The following HNF4G variants were observed in gnomAD, a reference collection of about 807,000 sequenced individuals.
HNF4G encodes hepatocyte nuclear factor 4 gamma, also known as hepatocyte nuclear factor 4-gamma.
In HNF4G, 21 loss-of-function variants were observed where a neutral mutation model predicts 50.9. The observed-to-expected ratio is 0.41, with a 90% confidence interval of 0.29 to 0.59. HNF4G has a LOEUF of 0.59. Among genes scored for constraint, HNF4G ranks in the 20% least tolerant of loss-of-function variants. HNF4G has a pLI of 0.26. For synonymous variants in HNF4G, 198 were observed against 185.6 expected (o/e 1.07, Z -0.54); for missense variants, 527 against 559.4 (o/e 0.94, Z 0.58).
chr8:75,531,962 TA>T (rs1350351902), intron 2 of HNF4G, among the ~76,000 whole-genome samples: 2 of 152,070 alleles, frequency 1.3e-5, no homozygotes, highest in East Asian at 3.8e-4. Flanking sequence ...TAAACACAAC[TA>T]TTCTGTTTTT....
chr8:75,501,319 A>G lies in HNF4G; in HGVS notation c.-24+11111A>G, dbSNP rs547826390. Among the ~76,000 whole-genome samples, 7 of 152,150 alleles carry G rather than the reference A, an allele frequency of 4.6e-5. No homozygotes were observed. The South Asian group carries it at 1.0e-3, about 23-fold the overall frequency. ...AAAATAATCCAGGCATGGTATGCAC[A>G]CCTGTAGTCCCACCTACTTGGGAGG... is the stretch of plus-strand genomic sequence containing the variant. On this transcript the variant is annotated intron_variant, in intron 2 of 10. Coordinates refer to the HNF4G transcript ENST00000354370.
chr8:75,419,213 G>A (rs1414744462), intron 1 of HNF4G, among the ~76,000 whole-genome samples: 1 of 152,172 alleles, frequency 6.6e-6, no homozygotes, highest in East Asian at 1.9e-4. Context: ...GCCAAAGTAA[G>A]CTGAACTCCA....
intron 2 of HNF4G, among the ~76,000 whole-genome samples, chr8:75,495,922 C>T (rs1244943664): frequency 1.3e-5 from 2 of 152,076 alleles, no homozygotes; most frequent in Non-Finnish European, 2.9e-5. Flanking sequence ...ATCAATATTT[C>T]TATATTATTT....
chr8:75,484,744 A>G (rs1314100780), intron 1 of HNF4G, among the ~76,000 whole-genome samples: 2 of 152,254 alleles, frequency 1.3e-5, no homozygotes, highest in African/African-American at 2.4e-5. Context: ...TGCCCCAGTG[A>G]CTGGGACATA....
At chr8:75,511,226 A>G (rs1805743246) in intron 2 of HNF4G, among the ~76,000 whole-genome samples, 1 of 152,188 alleles carries the variant, frequency 6.6e-6, no homozygotes, top group Non-Finnish European at 1.5e-5. Context: ...GGATTATATA[A>G]TTAATCATTT....
intron 2 of HNF4G, among the ~76,000 whole-genome samples, chr8:75,494,893 G>C (rs956648891): frequency 1.3e-5 from 2 of 151,970 alleles, no homozygotes; most frequent in African/African-American, 4.8e-5. Context: ...TATTTAAATT[G>C]ACTTTGAATT....
chr8:75,506,011 G>C (rs1032332020), intron 2 of HNF4G, among the ~76,000 whole-genome samples: 1 of 151,476 alleles, frequency 6.6e-6, no homozygotes, highest in Non-Finnish European at 1.5e-5. Flanking sequence ...TAGTATAGAG[G>C]GTTATTTTTC....
chr8:75,542,652 G>T (rs1806661836), intron 1 of HNF4G, among the ~76,000 whole-genome samples: 1 of 152,040 alleles, frequency 6.6e-6, no homozygotes. Flanking sequence ...GACATGCAGG[G>T]TTTACAGGCT....
At chr8:75,523,874 T>C (rs1196157607) in intron 2 of HNF4G, among the ~76,000 whole-genome samples, 1 of 151,978 alleles carries the variant, frequency 6.6e-6, no homozygotes, top group Non-Finnish European at 1.5e-5. Context: ...TTGTCTTATC[T>C]TTATCAAATA....
intron 1 of HNF4G, among the ~76,000 whole-genome samples, chr8:75,452,188 A>G (rs1453961872): frequency 2.0e-5 from 3 of 152,156 alleles, no homozygotes; most frequent in African/African-American, 7.2e-5. Context: ...TTACAATTTT[A>G]TAATAAATAA....
intron 1 of HNF4G, among the ~76,000 whole-genome samples, chr8:75,409,614 G>T (rs2125919): frequency 6.0e-5 from 9 of 149,342 alleles, no homozygotes; most frequent in Non-Finnish European, 1.5e-5. Flanking sequence ...TCAGCCTCCA[G>T]AGTAGCTGGG....
At chr8:75,559,861 C>T (rs533469541) in intron 8 of HNF4G, among the ~76,000 whole-genome samples, 4 of 152,156 alleles carry the variant, frequency 2.6e-5, no homozygotes, top group African/African-American at 9.6e-5. Context: ...TTCATTGTTG[C>T]AATACATGTC....
intron 1 of HNF4G, among the ~76,000 whole-genome samples, chr8:75,418,708 G>GTC (rs1022832599): frequency 1.0e-4 from 15 of 147,056 alleles, no homozygotes; most frequent in South Asian, 2.2e-4. Context: ...CTAGTGATAA[G>GTC]TCTCTCTCTC....
At chr8:75,549,373 A>G (rs1806878417) in intron 3 of HNF4G, among the ~76,000 whole-genome samples, 1 of 152,172 alleles carries the variant, frequency 6.6e-6, no homozygotes, top group Non-Finnish European at 1.5e-5. Flanking sequence ...AGTGAAATTC[A>G]TAAACGCTTA....
At position 75,564,129 on chromosome 8, in the gene HNF4G, A is replaced by G; in HGVS notation, c.*33A>G. On this transcript the variant is annotated 3_prime_UTR_variant, in exon 10 of 10. Coordinates refer to ENST00000396423, the MANE Select transcript of HNF4G (RefSeq NM_004133.5). ...TTTACTTCAGAACGGCACTACATAA[A>G]TGTGAAAAGTTGTTGATCTTGAAAT... 1 of 1,607,902 alleles carries G rather than the reference A, an allele frequency of 6.2e-7. No individual in the cohort carries two copies. The highest frequency in any genetic ancestry group is 8.5e-7 in the Non-Finnish European group (1 of 1,176,458).
intron 2 of HNF4G, among the ~76,000 whole-genome samples, chr8:75,506,975 T>G (rs1458592984): frequency 6.6e-6 from 1 of 152,170 alleles, no homozygotes; most frequent in Non-Finnish European, 1.5e-5. Flanking sequence ...CATTGCAATT[T>G]TATTTGGGCC....
intron 2 of HNF4G, among the ~76,000 whole-genome samples, chr8:75,522,681 G>A (rs532553263): frequency 1.6e-4 from 24 of 152,196 alleles, no homozygotes; most frequent in African/African-American, 5.5e-4. Context: ...AGCCAAAAAT[G>A]TCTCTAGATA....
intron 1 of HNF4G, among the ~76,000 whole-genome samples, chr8:75,462,921 T>C (rs1811887585): frequency 6.6e-6 from 1 of 152,164 alleles, no homozygotes; most frequent in Non-Finnish European, 1.5e-5. Flanking sequence ...ATAAGTAATG[T>C]CTAATAATAA....
In HNF4G at chr8:75,540,054, CTA is replaced by C. The variant is rs773724589; in HGVS notation, c.94_95del (p.Met32AlafsTer5). Reference sequence around the variant, plus strand: ...ACTTACACAACTTTGGAGTTTGAAACTATGCAGATTCTATATAATTCAAGTGG... The same window carrying C: ...ACTTACACAACTTTGGAGTTTGAAACTGCAGATTCTATATAATTCAAGTGG... On this transcript the variant is annotated frameshift_variant, in exon 1 of 10. Coordinates refer to ENST00000396423, the MANE Select transcript of HNF4G (RefSeq NM_004133.5). LOFTEE classifies it high-confidence loss of function. 15 of 1,595,218 alleles carry C rather than the reference CTA, an allele frequency of 9.4e-6. No individual in the cohort carries two copies. The highest frequency in any genetic ancestry group is 1.3e-5 in the Non-Finnish European group (15 of 1,163,254).
Sources: allele counts gnomAD v4.1 joint callset (sites outside exome capture counted in the v4.1 genomes callset), GRCh38; gene constraint gnomAD v4.1.1; transcripts MANE v1.5; gene names NCBI Gene and HGNC (gene_info 2026-07-23, HGNC 2026-07-21).